Variants in GPR176 observed in about 807,000 individuals in gnomAD.
The protein encoded by GPR176 is G-protein coupled receptor 176.
A neutral mutation model predicts 35.4 loss-of-function variants in GPR176; 26 were observed. The ratio of observed to expected loss-of-function variants is 0.74; its 90% CI spans 0.54 to 1.02. The LOEUF is 1.02. Ranked by LOEUF, GPR176 falls within the 50% of genes least tolerant of loss-of-function variation. The pLI is 0.00. For missense variants in GPR176, 597 were observed against 665.3 expected (o/e 0.90, Z 1.13); for synonymous variants, 278 against 271.3 (o/e 1.02, Z -0.24).
At chr15:39,809,512 A>G (rs373985723) in intron 1 of GPR176, among the ~76,000 whole-genome samples, 13 of 152,248 alleles carry the variant, frequency 8.5e-5, no homozygotes, top group African/African-American at 3.1e-4. Flanking sequence ...CCAAGTAAGG[A>G]TAACTCATTA....
At chr15:39,826,848 C>T (rs1463418455) in intron 1 of GPR176, among the ~76,000 whole-genome samples, 1 of 152,076 alleles carries the variant, frequency 6.6e-6, no homozygotes, top group Non-Finnish European at 1.5e-5. Flanking sequence ...ACAGTGTATC[C>T]TAATGAAATG....
At chr15:39,892,422 A>G (rs1299795712) in intron 1 of GPR176, among the ~76,000 whole-genome samples, 2 of 152,218 alleles carry the variant, frequency 1.3e-5, no homozygotes, top group Non-Finnish European at 2.9e-5. Context: ...ATGAGTTTCT[A>G]TTTGAACTTA....
chr15:39,841,913 A>G (rs547555779), intron 1 of GPR176, among the ~76,000 whole-genome samples: 1 of 152,230 alleles, frequency 6.6e-6, no homozygotes, highest in East Asian at 1.9e-4. Context: ...TCCTACACAC[A>G]TGGTAGCTTT....
At chr15:39,826,612 C>T (rs1205384293) in intron 1 of GPR176, among the ~76,000 whole-genome samples, 2 of 152,246 alleles carry the variant, frequency 1.3e-5, no homozygotes, top group African/African-American at 2.4e-5. Flanking sequence ...CTATTCTTTC[C>T]TCTACATTAA....
chr15:39,864,744 AACAG>A (rs1401518712), intron 1 of GPR176, among the ~76,000 whole-genome samples: 3 of 152,148 alleles, frequency 2.0e-5, no homozygotes, highest in Non-Finnish European at 4.4e-5. Context: ...ATCAAGAGTG[AACAG>A]ACAACCTGCA....
At chr15:39,865,789 G>C (rs1019617681) in intron 1 of GPR176, among the ~76,000 whole-genome samples, 12 of 151,938 alleles carry the variant, frequency 7.9e-5, no homozygotes, top group African/African-American at 2.9e-4. Flanking sequence ...CATATGCATT[G>C]GCAACATCTA....
chr15:39,895,047 A>G (rs2033058843), intron 1 of GPR176, among the ~76,000 whole-genome samples: 1 of 152,190 alleles, frequency 6.6e-6, no homozygotes, highest in South Asian at 2.1e-4. Flanking sequence ...TGGCCAACAT[A>G]GCGAAACCCG....
intron 1 of GPR176, among the ~76,000 whole-genome samples, chr15:39,894,268 C>G (rs1394802989): frequency 8.8e-5 from 10 of 113,558 alleles, no homozygotes; most frequent in African/African-American, 2.8e-5. Flanking sequence ...GGGCTGACCC[C>G]CCCACCTCCC....
At chr15:39,912,595 GT>G (rs2033608702) in intron 1 of GPR176, among the ~76,000 whole-genome samples, 1 of 150,110 alleles carries the variant, frequency 6.7e-6, no homozygotes, top group African/African-American at 2.5e-5. Flanking sequence ...TCCAGCCTGG[GT>G]GACAGAGTGA....
intron 1 of GPR176, among the ~76,000 whole-genome samples, chr15:39,915,419 C>A (rs892145084): frequency 1.3e-5 from 2 of 152,114 alleles, no homozygotes; most frequent in Non-Finnish European, 2.9e-5. Flanking sequence ...AAAGGTACTA[C>A]CTCCTAATAA....
chr15:39,836,410 C>A (rs1001691938), intron 1 of GPR176, among the ~76,000 whole-genome samples: 51 of 152,100 alleles, frequency 3.4e-4, no homozygotes, highest in African/African-American at 1.2e-3. Flanking sequence ...TCCTCTCTCA[C>A]CATGTGACAT....
intron 1 of GPR176, among the ~76,000 whole-genome samples, chr15:39,840,538 G>A (rs887609945): frequency 2.6e-5 from 4 of 152,096 alleles, no homozygotes; most frequent in Non-Finnish European, 4.4e-5. Flanking sequence ...TGTAAATGAC[G>A]AGTTAATGGG....
At chr15:39,888,693 T>A (rs1277337923) in intron 1 of GPR176, among the ~76,000 whole-genome samples, 1 of 152,158 alleles carries the variant, frequency 6.6e-6, no homozygotes, top group Non-Finnish European at 1.5e-5. Context: ...AATGTGTAAA[T>A]CATCTTTCTC....
intron 1 of GPR176, among the ~76,000 whole-genome samples, chr15:39,831,994 GCA>G (rs59388406): frequency 0.24 from 35,657 of 146,536 alleles, 4,458 homozygotes; most frequent in Non-Finnish European, 0.3. Flanking sequence ...ACATGTGCAT[GCA>G]CACACACACA....
intron 1 of GPR176, among the ~76,000 whole-genome samples, chr15:39,894,712 C>G (rs899381121): frequency 1.3e-5 from 2 of 151,264 alleles, no homozygotes; most frequent in East Asian, 3.9e-4. Flanking sequence ...GGCGGCCGGG[C>G]GGAGACGCTC....
At chr15:39,852,943 G>A (rs1408573781) in intron 1 of GPR176, among the ~76,000 whole-genome samples, 1 of 152,104 alleles carries the variant, frequency 6.6e-6, no homozygotes, top group East Asian at 1.9e-4. Flanking sequence ...TGAAGAAATT[G>A]GAACTCTTGT....
chr15:39,811,687 C>T (rs530459021), intron 1 of GPR176, among the ~76,000 whole-genome samples: 68 of 152,156 alleles, frequency 4.5e-4, no homozygotes, highest in African/African-American at 1.4e-3. Context: ...GAGGCCAAGG[C>T]GGGCAGATCA....
rs1176309278 is a variant in GPR176 at position 39,801,958 on chromosome 15, A to G, written c.722T>C (p.Ile241Thr). The G allele has an allele frequency of 6.2e-7, 1 of 1,613,982 alleles. No homozygotes were observed. Among genetic ancestry groups the G allele is most frequent in the African/African-American group, 1.3e-5 (1 of 74,890 alleles). Residue 241 changes from isoleucine to threonine, a missense_variant, in exon 3 of 3, where the codon ATC (isoleucine) becomes ACC (threonine). Ile to Thr is a moderately conservative substitution (Grantham distance 89). This residue lies in a region of GPR176 where 220 missense variants were observed against 297.6 expected (regional missense o/e 0.74). Transcript: ENST00000561100. ...CTGTGGGGTCCGGAGCGCTGCTATG[A>G]TGACCTTCTTCTTCTGGCTGGCACT... ...ALSASQKKKV[I>T]IAALRTPQNT...
rs1898774680 is a variant in GPR176, at chr15:39,800,315, C to T, written c.*817G>A. ...GCCATAGGCATCTCTCAGGCATCTC[C>T]CCCGTAAGCTTCTCTCTCATTTGTT... On this transcript the variant is annotated 3_prime_UTR_variant, in exon 3 of 3. Coordinates refer to ENST00000561100, the MANE Select transcript of GPR176 (RefSeq NM_007223.3). The T allele has an allele frequency of 6.6e-6, 1 of 152,248 alleles. No homozygotes were observed. Among genetic ancestry groups the T allele is most frequent in the East Asian group, 1.9e-4 (1 of 5,184 alleles). The allele number at this position is 152,248 out of a possible 1,614,324, so 9.4% of individuals were successfully genotyped here.
Sources: allele counts gnomAD v4.1 joint callset (sites outside exome capture counted in the v4.1 genomes callset), GRCh38; gene constraint gnomAD v4.1.1; regional missense constraint gnomAD v4.1.1; transcripts MANE v1.5; gene names NCBI Gene and HGNC (gene_info 2026-07-23, HGNC 2026-07-21).